Variants in ZFC3H1 observed in about 807,000 individuals in gnomAD.
ZFC3H1 encodes zinc finger C3H1-type containing.
Under a neutral mutation model 243.7 loss-of-function variants are expected in ZFC3H1, and 71 were observed. That is an observed-to-expected ratio of 0.29 (90% CI 0.24 to 0.36). ZFC3H1 has a LOEUF of 0.36. ZFC3H1 is among the 10% of genes least tolerant of loss of function. The pLI is 1.00. For synonymous variants in ZFC3H1, 838 were observed against 813.0 expected (o/e 1.03, Z -0.52); for missense variants, 1,966 against 2,317.1 (o/e 0.85, Z 3.11).
At position 71,610,332 on chromosome 12, in the gene ZFC3H1, A is replaced by G; in HGVS notation, c.*96T>C. ...ATGATCAATAACGCTTGTCTGCCTT[A>G]CACAGACCTTAGCCAGGGATCAGCC... On this transcript the variant is annotated 3_prime_UTR_variant, in exon 35 of 35. Transcript: ENST00000378743. The G allele has an allele frequency of 6.9e-7, 1 of 1,441,842 alleles. No homozygotes were observed. The highest frequency in any genetic ancestry group is 1.3e-5 in the South Asian group (1 of 74,830). 89.3% of individuals were successfully genotyped at this position (1,441,842 alleles called of 1,614,324 possible). A position where few individuals can be genotyped will look rare whatever the true frequency, so the allele number is the denominator to read the frequency against.
intron 2 of ZFC3H1, among the ~76,000 whole-genome samples, chr12:71,649,649 AT>A (rs1880829428): frequency 6.6e-6 from 1 of 152,234 alleles, no homozygotes; most frequent in Admixed American, 6.5e-5. Flanking sequence ...TGTAGAAAAA[AT>A]GATCACGCTT....
At chr12:71,649,652 A>G (rs924109186) in intron 2 of ZFC3H1, among the ~76,000 whole-genome samples, 1 of 152,238 alleles carries the variant, frequency 6.6e-6, no homozygotes, top group South Asian at 2.1e-4. Context: ...AGAAAAAATG[A>G]TCACGCTTTT....
At position 71,656,933 on chromosome 12, in the gene ZFC3H1, C is replaced by T; in HGVS notation, c.967G>A (p.Gly323Arg). 6.2e-7 allele frequency: 1 copy of T among 1,613,428 alleles called. No individual in the cohort carries two copies. Among genetic ancestry groups the T allele is most frequent in the Non-Finnish European group, 8.5e-7 (1 of 1,179,770 alleles). The change falls in exon 2 of 35, where the codon GGA (glycine) becomes AGA (arginine). Residue 323 changes from glycine (G) to arginine (R), a missense_variant. Gly to Arg is a moderately radical substitution (Grantham distance 125, BLOSUM62 -2). Transcript: ENST00000378743. ...GATTTCAGGGAAAGTGGTTTTGCTC[C>T]ATCTTTAACTTTTTTCAAACGGTTC... The part of the protein sequence containing the change: ...DKNRLKKVKD[G>R]AKPLSLKSDT...
At position 71,636,913 on chromosome 12, in the gene ZFC3H1, T is replaced by C; in HGVS notation, c.1872A>G (p.Glu624=). 1.9e-6 allele frequency: 3 copies of C among 1,614,104 alleles called. No homozygotes were observed. Among genetic ancestry groups the C allele is most frequent in the East Asian group, 4.5e-5 (2 of 44,870 alleles). Residue 624 remains glutamate (E), a synonymous_variant, in exon 8 of 35, where the codon GAA becomes GAG. Transcript: ENST00000378743. The part of the protein sequence containing the change: ...KPPFADEEEE[E]EMLLREELLK... ...GTAGTTCTTCTCGAAGCAGCATTTCTTCCTCCTCTTCCTCATCTGCAAAAG... is the reference window on the plus strand; with the variant it reads ...GTAGTTCTTCTCGAAGCAGCATTTCCTCCTCCTCTTCCTCATCTGCAAAAG...
Position 71,615,308 on chromosome 12 carries a change from AAG to A in ZFC3H1, c.5151_5152del (p.Leu1718LysfsTer7), listed in dbSNP as rs776856854. 1 of 1,602,360 alleles carries A rather than the reference AAG, an allele frequency of 6.2e-7. No homozygotes were observed. The stretch of plus-strand genomic sequence containing the variant: ...AATGTCAATTGGTCCTGGAATATTT[AAG>A]AGATACCTGAAAAAAAAAATCCAAA... On this transcript the variant is annotated frameshift_variant, in exon 28 of 35. Transcript: ENST00000378743. LOFTEE classifies it high-confidence loss of function.
intron 10 of ZFC3H1, 132 bp downstream of exon 10, chr12:71,635,311 A>C (rs1048222464): frequency 8.3e-7 from 1 of 1,201,760 alleles, no homozygotes; most frequent in African/African-American, 1.6e-5. Flanking sequence ...TAATAGCACA[A>C]ATACTTAAAA....
chr12:71,644,349 T>A (rs1336449157), intron 4 of ZFC3H1, 31 bp from the exon 5 acceptor site: 2 of 1,592,582 alleles, frequency 1.3e-6, no homozygotes, highest in Non-Finnish European at 1.7e-6. Context: ...AACATTAGCA[T>A]CTGTTAGGAG....
At position 71,642,520 on chromosome 12, in the gene ZFC3H1, G is replaced by T; in HGVS notation, c.1543C>A (p.Pro515Thr). Reference sequence around the variant, plus strand: ...TAAATGCCTCCTCCACTATCAGTAGGTTGCTTATCTAAGGATCGCCTCAGG... The same window carrying T: ...TAAATGCCTCCTCCACTATCAGTAGTTTGCTTATCTAAGGATCGCCTCAGG... ...PDLRRSLDKQ[P>T]TDSGGGIYQY... Residue 515 changes from proline to threonine, a missense_variant, in exon 6 of 35, where the codon CCT (proline) becomes ACT (threonine). Coordinates refer to ENST00000378743, the MANE Select transcript of ZFC3H1 (RefSeq NM_144982.5). The T allele has an allele frequency of 6.2e-7, 1 of 1,613,220 alleles. No individual in the cohort carries two copies. Among genetic ancestry groups the T allele is most frequent in the African/African-American group, 1.3e-5 (1 of 75,020 alleles).
intron 32 of ZFC3H1, 108 bp downstream of exon 32, chr12:71,611,674 AAAAT>A (rs1261948923): frequency 9.7e-4 from 162 of 167,242 alleles, no homozygotes; most frequent in African/African-American, 3.2e-3. Flanking sequence ...AAAAAAAAAA[AAAAT>A]ATATATATAT....
chr12:71,642,944 T>C (rs572228538), intron 5 of ZFC3H1, among the ~76,000 whole-genome samples: 2 of 152,222 alleles, frequency 1.3e-5, no homozygotes, highest in South Asian at 4.1e-4. Flanking sequence ...TACAGAATAT[T>C]TCCCCAAAAA....
intron 8 of ZFC3H1, 23 bp downstream of exon 8, chr12:71,636,827 A>G: frequency 1.2e-6 from 2 of 1,611,272 alleles, no homozygotes; most frequent in South Asian, 2.2e-5. Flanking sequence ...AGCACCACCT[A>G]GAGGTTTAGG....
intron 22 of ZFC3H1, among the ~76,000 whole-genome samples, chr12:71,624,657 T>C (rs74405194): frequency 6.6e-6 from 1 of 152,314 alleles, no homozygotes; most frequent in Non-Finnish European, 1.5e-5. Context: ...TGTGTGACTG[T>C]ATAAAAGTTT....
chr12:71,629,130 A>G, intron 19 of ZFC3H1, 93 bp from the exon 20 acceptor site: 1 of 1,081,758 alleles, frequency 9.2e-7, no homozygotes, highest in Non-Finnish European at 1.3e-6. Context: ...GAAGAACTAC[A>G]TTCACTCCAT....
intron 12 of ZFC3H1, 121 bp from the exon 13 acceptor site, chr12:71,633,559 AATGT>A (rs1880378693): frequency 1.4e-6 from 1 of 697,568 alleles, no homozygotes; most frequent in Non-Finnish European, 2.3e-6. Context: ...CACAGATAAA[AATGT>A]AAAGGGATGA....
chr12:71,652,751 C>A (rs1393385219), intron 2 of ZFC3H1, among the ~76,000 whole-genome samples: 2 of 152,100 alleles, frequency 1.3e-5, no homozygotes, highest in Non-Finnish European at 1.5e-5. Context: ...AATCATAGTA[C>A]TAAATTGAAG....
chr12:71,655,599 TAG>T (rs1269268329), intron 2 of ZFC3H1, among the ~76,000 whole-genome samples: 5 of 152,116 alleles, frequency 3.3e-5, no homozygotes, highest in Admixed American at 6.5e-5. Flanking sequence ...ACAAAAAATA[TAG>T]AGTTTACATA....
intron 30 of ZFC3H1, 88 bp downstream of exon 30, chr12:71,614,447 T>G (rs1879846795): frequency 7.9e-7 from 1 of 1,266,700 alleles, no homozygotes; most frequent in South Asian, 1.8e-5. Flanking sequence ...GGAAAAGCTC[T>G]CTTGATATAA....
rs1268091848 is a variant in ZFC3H1, at chr12:71,619,916, T to C, written c.5049+10A>G. The C allele has an allele frequency of 8.3e-6, 13 of 1,570,440 alleles. No individual in the cohort carries two copies. The highest frequency in any genetic ancestry group is 8.6e-6 in the Non-Finnish European group (10 of 1,159,090). ...AAGCATCATATTTAAGAATTATGCA[T>C]CATTTTTACCTGTAAGATGAAGAAT... On this transcript the variant is annotated intron_variant, in intron 26 of 34. Transcript: ENST00000378743.
intron 1 of ZFC3H1, 74 bp downstream of exon 1, chr12:71,662,939 T>C: frequency 7.1e-7 from 1 of 1,400,430 alleles, no homozygotes. Flanking sequence ...GTTACACTCG[T>C]CTCACAGACC....
Sources: allele counts gnomAD v4.1 joint callset (sites outside exome capture counted in the v4.1 genomes callset), GRCh38; gene constraint gnomAD v4.1.1; transcripts MANE v1.5; gene names NCBI Gene and HGNC (gene_info 2026-07-23, HGNC 2026-07-21).